The following DACH2 variants were observed in gnomAD, a reference collection of about 807,000 sequenced individuals.
DACH2 encodes the protein dachshund homolog 2.
In DACH2, 17 loss-of-function variants were observed where a neutral mutation model predicts 35.8. The ratio of observed to expected loss-of-function variants is 0.48; its 90% confidence interval spans 0.33 to 0.71. The LOEUF (loss-of-function observed/expected upper bound fraction) is 0.71. DACH2 is among the 30% of genes least tolerant of loss of function. The pLI is 0.02. For missense variants in DACH2, 469 were observed against 472.7 expected, an observed-to-expected ratio of 0.99 and a Z score of 0.07; for synonymous variants, 195 against 177.3, an observed-to-expected ratio of 1.10 and a Z score of -0.79.
chrX:86,226,857 T>C (rs779853325), intron 1 of DACH2, among the ~76,000 whole-genome samples: 16 of 111,534 alleles, frequency 1.4e-4, no homozygotes, highest in Non-Finnish European at 2.6e-4. Context: ...CATATTATAG[T>C]GTGAATATAA....
chrX:86,748,329 A>G (rs771734506), intron 7 of DACH2, among the ~76,000 whole-genome samples: 4 of 112,347 alleles, frequency 3.6e-5, no homozygotes, highest in Non-Finnish European at 7.5e-5. Flanking sequence ...GATCCATTAG[A>G]GTAATCTCTA....
chrX:86,167,746 A>G (rs1368065069), intron 1 of DACH2, among the ~76,000 whole-genome samples: 3 of 110,964 alleles, frequency 2.7e-5, no homozygotes, highest in East Asian at 5.6e-4. Context: ...TTGTGGTTCT[A>G]TTATTTGTTT....
At chrX:86,208,203 A>ATT (rs555880531) in intron 1 of DACH2, among the ~76,000 whole-genome samples, 23 of 106,621 alleles carry the variant, frequency 2.2e-4, no homozygotes, top group Admixed American at 2.1e-3. Context: ...AATAATAATA[A>ATT]TTTTTTTTTT....
intron 4 of DACH2, among the ~76,000 whole-genome samples, chrX:86,662,269 A>G (rs2040612869): frequency 2.7e-5 from 3 of 111,355 alleles, no homozygotes; most frequent in Admixed American, 9.6e-5. Flanking sequence ...GTAAAGTAAG[A>G]AGGTATCACT....
chrX:86,202,292 C>T (rs2032176874), intron 1 of DACH2, among the ~76,000 whole-genome samples: 1 of 111,085 alleles, frequency 9.0e-6, no homozygotes, highest in African/African-American at 3.3e-5. Flanking sequence ...ATACTATAGA[C>T]CTATGTAACA....
chrX:86,209,765 C>T (rs1373961376), intron 1 of DACH2, among the ~76,000 whole-genome samples: 2 of 111,204 alleles, frequency 1.8e-5, no homozygotes, highest in Non-Finnish European at 3.8e-5. Context: ...CAACTCAATG[C>T]TTTAGGCCAT....
chrX:86,246,513 G>A (rs900063383), intron 1 of DACH2, among the ~76,000 whole-genome samples: 8 of 112,128 alleles, frequency 7.1e-5, no homozygotes, highest in Non-Finnish European at 1.3e-4. Context: ...GTCATATATT[G>A]AGCATTGTGG....
intron 3 of DACH2, among the ~76,000 whole-genome samples, chrX:86,569,303 C>T (rs371493319): frequency 3.6e-5 from 4 of 111,200 alleles, no homozygotes; most frequent in African/African-American, 9.8e-5. Flanking sequence ...TAATGCTGTA[C>T]GGATCTAATA....
intron 2 of DACH2, among the ~76,000 whole-genome samples, chrX:86,470,247 T>C (rs888359190): frequency 8.9e-6 from 1 of 112,069 alleles, no homozygotes; most frequent in Non-Finnish European, 1.9e-5. Flanking sequence ...ACTGTATGGA[T>C]TATCAATCTA....
chrX:86,460,972 G>T (rs1192653648), intron 2 of DACH2, among the ~76,000 whole-genome samples: 1 of 111,279 alleles, frequency 9.0e-6, no homozygotes, highest in African/African-American at 3.2e-5. Flanking sequence ...AATTGATAGA[G>T]ACTGACTCTT....
At chrX:86,586,451 C>A (rs2039571854) in intron 3 of DACH2, among the ~76,000 whole-genome samples, 1 of 111,729 alleles carries the variant, frequency 9.0e-6, no homozygotes, top group Admixed American at 9.5e-5. Flanking sequence ...GTTTTTATTG[C>A]AATTGCTTTT....
intron 2 of DACH2, among the ~76,000 whole-genome samples, chrX:86,444,553 C>T (rs1314851670): frequency 9.0e-6 from 1 of 111,698 alleles, no homozygotes; most frequent in Non-Finnish European, 1.9e-5. Context: ...TGTATGAGTA[C>T]AGGAATTTAT....
At chrX:86,455,582 C>T (rs980727045) in intron 2 of DACH2, among the ~76,000 whole-genome samples, 5 of 112,493 alleles carry the variant, frequency 4.4e-5, no homozygotes, top group East Asian at 2.8e-4. Context: ...AAAGCAGCTG[C>T]GCTGCATTGT....
chrX:86,217,833 T>G (rs2032614317), intron 1 of DACH2, among the ~76,000 whole-genome samples: 1 of 111,866 alleles, frequency 8.9e-6, no homozygotes, highest in African/African-American at 3.2e-5. Flanking sequence ...GTAGGAAGCG[T>G]AAGAAACCAA....
At chrX:86,409,666 T>C (rs760448673) in intron 2 of DACH2, among the ~76,000 whole-genome samples, 1 of 111,792 alleles carries the variant, frequency 8.9e-6, no homozygotes, top group South Asian at 3.7e-4. Flanking sequence ...CTGTATACCC[T>C]ATAGAACCGT....
chrX:86,305,189 T>C, intron 1 of DACH2: 1 of 124,034 alleles, frequency 8.1e-6, no homozygotes, highest in Non-Finnish European at 1.7e-5. Flanking sequence ...TCTGTACAAT[T>C]CTCATGGAAA....
chrX:86,481,507 G>A (rs1369245759), intron 2 of DACH2: 1 of 112,043 alleles, frequency 8.9e-6, no homozygotes, highest in Non-Finnish European at 1.9e-5. Context: ...AAATTCTCTA[G>A]TTGTTATCTG....
At chrX:86,730,190 T>C (rs956664064) in intron 6 of DACH2, among the ~76,000 whole-genome samples, 9 of 111,393 alleles carry the variant, frequency 8.1e-5, no homozygotes, top group African/African-American at 2.3e-4. Flanking sequence ...TCTTCTAGTA[T>C]GTTCTTTGAA....
intron 3 of DACH2, among the ~76,000 whole-genome samples, chrX:86,545,262 G>A (rs940316200): frequency 1.3e-4 from 15 of 111,899 alleles, no homozygotes; most frequent in Non-Finnish European, 2.6e-4. Context: ...TAACATGGAT[G>A]GAGTTGGTGA....
Sources: allele counts gnomAD v4.1 joint callset (sites outside exome capture counted in the v4.1 genomes callset), GRCh38; gene constraint gnomAD v4.1.1; transcripts MANE v1.5; gene names NCBI Gene and HGNC (gene_info 2026-07-23, HGNC 2026-07-21).